Variants in STRIP2 observed in about 807,000 individuals in gnomAD.
STRIP2 encodes the protein striatin-interacting protein 2.
In STRIP2, 84 loss-of-function variants were observed where a neutral mutation model predicts 107.1. That is an observed-to-expected ratio of 0.78 (90% CI 0.66 to 0.94). The LOEUF (loss-of-function observed/expected upper bound fraction) is 0.94. Ranked by LOEUF, STRIP2 falls within the 40% of genes least tolerant of loss-of-function variation. The pLI, the probability that STRIP2 is intolerant of heterozygous loss-of-function variation, is 0.00. For synonymous variants in STRIP2, 394 were observed against 400.4 expected, an observed-to-expected ratio of 0.98 and a Z score of 0.19; for missense variants, 888 against 1,034.2, an observed-to-expected ratio of 0.86 and a Z score of 1.94.
rs776886226 is a variant in STRIP2 at position 129,485,731 on chromosome 7, G to A, written c.2407G>A (p.Asp803Asn). ...GCAGAGCGTACTGGGGCAGAGGTTGGATCTGCCTGAAGATTTCCACTATTC... is the reference window on the plus strand; with the variant it reads ...GCAGAGCGTACTGGGGCAGAGGTTGAATCTGCCTGAAGATTTCCACTATTC... ...CLQSVLGQRL[D>N]LPEDFHYSYE... The change falls in exon 21 of 21, where the codon GAT (aspartate) becomes AAT (asparagine). Residue 803 changes from aspartate to asparagine, a missense_variant. Physicochemically the swap from Asp to Asn is conservative, Grantham distance 23. Transcript: ENST00000249344. 10 of 1,614,186 alleles carry A rather than the reference G, an allele frequency of 6.2e-6. No individual in the cohort carries two copies. In the South Asian group the frequency reaches 1.1e-4, roughly 18 times the overall value.
At chr7:129,474,445 G>A (rs1798866702) in intron 18 of STRIP2, among the ~76,000 whole-genome samples, 1 of 152,180 alleles carries the variant, frequency 6.6e-6, no homozygotes, top group South Asian at 2.1e-4. Flanking sequence ...GGGATTACAG[G>A]TGTGAGCCAC....
At position 129,466,371 on chromosome 7, in the gene STRIP2, G is replaced by A. The variant is rs1218509788; in HGVS notation, c.1777-979G>A. 2.0e-5 allele frequency among the ~76,000 whole-genome samples: 3 copies of A among 152,200 alleles called. No individual in the cohort carries two copies. In the East Asian group the frequency reaches 5.8e-4, roughly 29 times the overall value. On this transcript the variant is annotated intron_variant, in intron 16 of 20. Coordinates refer to ENST00000249344, the MANE Select transcript of STRIP2 (RefSeq NM_020704.3). ...GGGAGAAAATTTTGAACAGAAGAGA[G>A]AAGTAGTCTTGGCATAAACTGACTC...
intron 1 of STRIP2, among the ~76,000 whole-genome samples, 157 bp downstream of exon 1, chr7:129,434,758 C>G (rs1270960833): frequency 2.0e-5 from 3 of 152,242 alleles, no homozygotes; most frequent in African/African-American, 7.2e-5. Flanking sequence ...ACTCTGGGCT[C>G]TTTGGCCCGG....
In STRIP2 at chr7:129,465,033, A is replaced by G. The variant is rs564614016; in HGVS notation, c.1776+295A>G. Among the ~76,000 whole-genome samples the G allele has an allele frequency of 4.7e-5, 7 of 149,792 alleles. No homozygotes were observed. The East Asian group carries it at 1.4e-3, about 30-fold the overall frequency. Reference sequence around the variant, plus strand: ...CAGTTTTTAAACAATGCAAGAGAGAATGTAAGCATTTCACAAAAATGGGGG... The same window carrying G: ...CAGTTTTTAAACAATGCAAGAGAGAGTGTAAGCATTTCACAAAAATGGGGG... On this transcript the variant is annotated intron_variant, in intron 16 of 20. Transcript: ENST00000249344.
At chr7:129,475,568 C>CTTTTTTTTTTTTTTT (rs1193913684) in intron 18 of STRIP2, among the ~76,000 whole-genome samples, 5 of 99,296 alleles carry the variant, frequency 5.0e-5, no homozygotes, top group Non-Finnish European at 8.0e-5. Context: ...TTTTTTTTTT[C>CTTTTTTTTTTTTTTT]TTTTTATTTT....
rs111540307 is a variant in STRIP2, at chr7:129,452,365, C to A, written c.409+618C>A. 1.5e-3 allele frequency among the ~76,000 whole-genome samples: 225 copies of A among 151,850 alleles called. 1 individual carries two copies. The highest frequency in any genetic ancestry group is 5.3e-3 in the African/African-American group (219 of 41,382). The stretch of plus-strand genomic sequence containing the variant: ...CGATCATAAATATAAGGCGTGTTAA[C>A]AGAACCAACCAGTTGGGAGCTAAAA... On this transcript the variant is annotated intron_variant, in intron 4 of 20. Coordinates refer to ENST00000249344, the MANE Select transcript of STRIP2 (RefSeq NM_020704.3).
chr7:129,439,584 G>T (rs1647492378), intron 1 of STRIP2, among the ~76,000 whole-genome samples: 1 of 152,156 alleles, frequency 6.6e-6, no homozygotes. Context: ...TTAAAAATAA[G>T]GAACTATGAT....
intron 18 of STRIP2, among the ~76,000 whole-genome samples, chr7:129,473,884 A>G (rs1237910582): frequency 6.6e-6 from 1 of 151,652 alleles, no homozygotes; most frequent in Non-Finnish European, 1.5e-5. Context: ...CGCCTGGCTA[A>G]TTTTTTGTAT....
intron 17 of STRIP2, among the ~76,000 whole-genome samples, chr7:129,469,528 G>A (rs904893231): frequency 6.6e-6 from 1 of 152,190 alleles, no homozygotes; most frequent in Non-Finnish European, 1.5e-5. Context: ...GTGGATAGGT[G>A]GATGAGCCAG....
intron 19 of STRIP2, among the ~76,000 whole-genome samples, chr7:129,482,167 C>CA (rs570720313): frequency 8.6e-5 from 13 of 151,472 alleles, no homozygotes; most frequent in South Asian, 6.3e-4. Flanking sequence ...CAAAACAAAA[C>CA]AAAAAAATAA....
Position 129,487,686 on chromosome 7 carries a change from G to A in STRIP2, c.*1857G>A, listed in dbSNP as rs1799271625. 1 of 152,122 alleles carries A rather than the reference G, an allele frequency of 6.6e-6. No homozygotes were observed. Among genetic ancestry groups the A allele is most frequent in the South Asian group, 2.1e-4 (1 of 4,826 alleles). The allele number at this position is 152,122 out of a possible 1,614,324, so 9.4% of individuals were successfully genotyped here. On this transcript the variant is annotated 3_prime_UTR_variant, in exon 21 of 21. Transcript: ENST00000249344. ...TACTGCAATCAAAATAATTTACTGA[G>A]CACAACTCCTGTAAATTAATCTACA... is the stretch of plus-strand genomic sequence containing the variant.
At chr7:129,449,148 C>A (rs1165433892) in intron 3 of STRIP2, among the ~76,000 whole-genome samples, 1 of 152,214 alleles carries the variant, frequency 6.6e-6, no homozygotes, top group African/African-American at 2.4e-5. Context: ...GAACGCAGAG[C>A]CCCTACTTAG....
rs949253925 is a variant in STRIP2, at chr7:129,434,547, G to A, written c.75G>A (p.Lys25=). The A allele has an allele frequency of 3.3e-6, 5 of 1,518,760 alleles. No homozygotes were observed. The highest frequency in any genetic ancestry group is 4.4e-6 in the Non-Finnish European group (5 of 1,140,458). 94.1% of individuals were successfully genotyped at this position (1,518,760 alleles called of 1,614,324 possible). ...NGNGNGGGKG[K]QAAPKGREAF... is the part of the protein sequence containing the mutation. ...ATGGCAACGGCGGCGGCAAAGGGAA[G>A]CAGGCGGCGCCCAAGGGCCGCGAAG... Residue 25 remains lysine (K), a synonymous_variant, in exon 1 of 21, where the codon AAG becomes AAA. Coordinates refer to ENST00000249344, the MANE Select transcript of STRIP2 (RefSeq NM_020704.3).
At chr7:129,469,502 T>G (rs1354111196) in intron 17 of STRIP2, among the ~76,000 whole-genome samples, 2 of 152,248 alleles carry the variant, frequency 1.3e-5, no homozygotes, top group Non-Finnish European at 2.9e-5. Context: ...CATAGGGCTT[T>G]GTCAGTGGGA....
At chr7:129,441,610 C>T (rs777666006) in intron 2 of STRIP2, among the ~76,000 whole-genome samples, 6 of 152,018 alleles carry the variant, frequency 3.9e-5, no homozygotes, top group African/African-American at 7.3e-5. Flanking sequence ...CTGTTGCTTA[C>T]GCTTGAGTGG....
chr7:129,474,016 C>A (rs937001439), intron 18 of STRIP2, among the ~76,000 whole-genome samples: 38 of 152,264 alleles, frequency 2.5e-4, no homozygotes, highest in Admixed American at 2.3e-3. Context: ...TGCACGCAGC[C>A]CAGGACATAA....
In STRIP2 at chr7:129,458,485, G is replaced by A. The variant is rs148499642; in HGVS notation, c.1274+35G>A. ...ATAGCATCAGGGACCCCTATGCTTCGGGGTTTCAGTCTCCAAAGGCCCAAG... is the reference window on the plus strand; with the variant it reads ...ATAGCATCAGGGACCCCTATGCTTCAGGGTTTCAGTCTCCAAAGGCCCAAG... On this transcript the variant is annotated intron_variant, in intron 10 of 20. Coordinates refer to ENST00000249344, the MANE Select transcript of STRIP2 (RefSeq NM_020704.3). This position sits in a 1 kb window ranked among gnomAD's most constrained non-coding sequence, Gnocchi z 4.6. The A allele has an allele frequency of 1.1e-4, 163 of 1,489,686 alleles. No individual in the cohort carries two copies. Among genetic ancestry groups the A allele is most frequent in the African/African-American group, 6.9e-4 (49 of 71,210 alleles). 92.3% of individuals were successfully genotyped at this position (1,489,686 alleles called of 1,614,324 possible).
chr7:129,462,275 G>A (rs952070780), intron 13 of STRIP2, among the ~76,000 whole-genome samples: 2 of 152,190 alleles, frequency 1.3e-5, no homozygotes, highest in Non-Finnish European at 2.9e-5. Context: ...ACAGAGGGAG[G>A]CGGGTTATTC....
intron 16 of STRIP2, among the ~76,000 whole-genome samples, chr7:129,466,857 A>C (rs1410478366): frequency 6.6e-6 from 1 of 152,212 alleles, no homozygotes; most frequent in Non-Finnish European, 1.5e-5. Context: ...ACTAAGGATA[A>C]TATGGTACAC....
Sources: allele counts gnomAD v4.1 joint callset (sites outside exome capture counted in the v4.1 genomes callset), GRCh38; gene constraint gnomAD v4.1.1; non-coding constraint Gnocchi (gnomAD v3.1); transcripts MANE v1.5; gene names NCBI Gene and HGNC (gene_info 2026-07-23, HGNC 2026-07-21).